STAU2: variants seen among roughly 807,000 people sequenced by gnomAD.
STAU2 encodes the protein staufen double-stranded RNA binding protein 2.
In STAU2, 20 loss-of-function variants were observed where a neutral mutation model predicts 65.9. The ratio of observed to expected loss-of-function variants is 0.30; its 90% CI spans 0.21 to 0.44. The LOEUF (loss-of-function observed/expected upper bound fraction) is 0.44, where lower values mean the gene tolerates loss of function less well. Among genes scored for constraint, STAU2 ranks in the 20% least tolerant of loss-of-function variants. The pLI is 1.00. For missense variants in STAU2, 558 were observed against 683.9 expected, an observed-to-expected ratio of 0.82 and a Z score of 2.05; for synonymous variants, 232 against 233.9, an observed-to-expected ratio of 0.99 and a Z score of 0.07.
intron 13 of STAU2, among the ~76,000 whole-genome samples, chr8:73,494,238 C>G (rs1037246538): frequency 5.3e-5 from 8 of 151,664 alleles, no homozygotes; most frequent in South Asian, 2.1e-4. Flanking sequence ...AGGGAGTATA[C>G]AGATGTCTGC....
At chr8:73,525,551 G>A (rs1451731743) in intron 13 of STAU2, among the ~76,000 whole-genome samples, 1 of 152,144 alleles carries the variant, frequency 6.6e-6, no homozygotes, top group African/African-American at 2.4e-5. Flanking sequence ...ATATGAAGAA[G>A]CCAAGTCCCC....
At chr8:73,449,434 T>C (rs1274549673) in intron 13 of STAU2, among the ~76,000 whole-genome samples, 2 of 152,214 alleles carry the variant, frequency 1.3e-5, no homozygotes, top group Non-Finnish European at 2.9e-5. Flanking sequence ...CTTATGATCT[T>C]ATCGCCACTT....
At chr8:73,699,926 C>A (rs894784507) in intron 4 of STAU2, among the ~76,000 whole-genome samples, 156 of 144,376 alleles carry the variant, frequency 1.1e-3, no homozygotes, top group African/African-American at 3.8e-3. Flanking sequence ...AAACCCTCAA[C>A]AAAATACTAG....
chr8:73,503,937 G>C (rs1219999900), intron 13 of STAU2, among the ~76,000 whole-genome samples: 1 of 151,960 alleles, frequency 6.6e-6, no homozygotes, highest in Non-Finnish European at 1.5e-5. Context: ...ATAGTCTGCT[G>C]CCCATCAAAG....
At chr8:73,612,177 T>C (rs1262148720) in intron 9 of STAU2, among the ~76,000 whole-genome samples, 1 of 152,216 alleles carries the variant, frequency 6.6e-6, no homozygotes. Context: ...AAACATAAAA[T>C]GTGAATAGGT....
chr8:73,697,430 G>T (rs980177874), intron 4 of STAU2: 27 of 152,098 alleles, frequency 1.8e-4, no homozygotes, highest in African/African-American at 6.5e-4. Flanking sequence ...AATCCTGAAG[G>T]GAGTTCTTCA....
chr8:73,540,336 C>T (rs1413534829), intron 13 of STAU2, among the ~76,000 whole-genome samples: 1 of 152,118 alleles, frequency 6.6e-6, no homozygotes, highest in Non-Finnish European at 1.5e-5. Flanking sequence ...CAAGGAAAAC[C>T]AAGAATTGCC....
chr8:73,599,264 A>T (rs761067804), intron 10 of STAU2, among the ~76,000 whole-genome samples: 2 of 152,098 alleles, frequency 1.3e-5, no homozygotes, highest in African/African-American at 2.4e-5. Flanking sequence ...ATAAAGAAAA[A>T]ATTTAAATTT....
intron 12 of STAU2, among the ~76,000 whole-genome samples, chr8:73,574,623 T>G (rs1352007023): frequency 1.3e-5 from 2 of 152,150 alleles, no homozygotes; most frequent in African/African-American, 4.8e-5. Flanking sequence ...TGGATAAAGC[T>G]GGAAACCATC....
At chr8:73,612,917 G>T (rs59639742) in intron 9 of STAU2, among the ~76,000 whole-genome samples, 4,439 of 152,226 alleles carry the variant, frequency 0.029, 189 homozygotes, top group African/African-American at 0.098. Flanking sequence ...CATGTCATAC[G>T]TGTCAAGCAT....
intron 13 of STAU2, among the ~76,000 whole-genome samples, chr8:73,442,866 C>T (rs1818265031): frequency 6.6e-6 from 1 of 152,170 alleles, no homozygotes; most frequent in Non-Finnish European, 1.5e-5. Flanking sequence ...CATTCCCTTT[C>T]AAAAGCAGAA....
intron 6 of STAU2, among the ~76,000 whole-genome samples, chr8:73,660,266 C>G (rs2130314242): frequency 6.6e-6 from 1 of 152,254 alleles, no homozygotes; most frequent in African/African-American, 2.4e-5. Flanking sequence ...CCTGTCTCTA[C>G]TAAAAACACA....
At chr8:73,508,106 C>T (rs1563392471) in intron 13 of STAU2, among the ~76,000 whole-genome samples, 2 of 152,214 alleles carry the variant, frequency 1.3e-5, no homozygotes, top group African/African-American at 4.8e-5. Context: ...TGTGTATTCA[C>T]TGGAGTAACA....
At chr8:73,715,633 CATTG>C (rs1821202800) in intron 3 of STAU2, among the ~76,000 whole-genome samples, 1 of 151,838 alleles carries the variant, frequency 6.6e-6, no homozygotes, top group Non-Finnish European at 1.5e-5. Context: ...TGATGGGCAA[CATTG>C]ATTAAAGTTT....
chr8:73,503,901 A>T (rs1410077383), intron 13 of STAU2, among the ~76,000 whole-genome samples: 1 of 152,000 alleles, frequency 6.6e-6, no homozygotes, highest in East Asian at 1.9e-4. Context: ...TTAGGGAGGG[A>T]CTCAGTTTCT....
chr8:73,600,216 A>C (rs1485238433), intron 10 of STAU2, among the ~76,000 whole-genome samples: 1 of 152,270 alleles, frequency 6.6e-6, no homozygotes, highest in Non-Finnish European at 1.5e-5. Context: ...ACAGAGTTTC[A>C]GTAAAGACAA....
intron 3 of STAU2, among the ~76,000 whole-genome samples, chr8:73,711,798 G>T (rs1213342508): frequency 6.6e-6 from 1 of 152,050 alleles, no homozygotes; most frequent in African/African-American, 2.4e-5. Flanking sequence ...ATTTTAATGG[G>T]TGACTGAAGT....
chr8:73,431,369 GAAAT>G (rs1360893332), intron 13 of STAU2, among the ~76,000 whole-genome samples: 1 of 152,122 alleles, frequency 6.6e-6, no homozygotes, highest in Non-Finnish European at 1.5e-5. Context: ...TTTAAAAAAA[GAAAT>G]AAAAGGTACA....
At chr8:73,580,272 T>G (rs961110888) in intron 12 of STAU2, among the ~76,000 whole-genome samples, 1 of 152,236 alleles carries the variant, frequency 6.6e-6, no homozygotes, top group Admixed American at 6.5e-5. Context: ...TTTCAGATGT[T>G]ATTCAAGGAT....
Sources: allele counts gnomAD v4.1 joint callset (sites outside exome capture counted in the v4.1 genomes callset), GRCh38; gene constraint gnomAD v4.1.1; transcripts MANE v1.5; gene names NCBI Gene and HGNC (gene_info 2026-07-23, HGNC 2026-07-21).